Variants in ATP11B observed in about 807,000 individuals in gnomAD.
ATP11B encodes the protein ATPase phospholipid transporting 11B (putative).
ATP11B carries 81 observed loss-of-function variants against 157.8 expected under a neutral mutation model. The observed-to-expected ratio is 0.51, with a 90% CI of 0.43 to 0.62. The LOEUF is 0.62. Among genes scored for constraint, ATP11B ranks in the 20% least tolerant of loss-of-function variants. The pLI is 0.00. For synonymous variants in ATP11B, 451 were observed against 469.4 expected (o/e 0.96, Z 0.51); for missense variants, 1,165 against 1,402.2 (o/e 0.83, Z 2.70).
intron 27 of ATP11B, among the ~76,000 whole-genome samples, chr3:182,898,400 A>G (rs1723711018): frequency 6.6e-6 from 1 of 152,036 alleles, no homozygotes; most frequent in Non-Finnish European, 1.5e-5. Flanking sequence ...ACTGCTTGCC[A>G]TTTTCCTAAT....
At chr3:182,904,137 G>C (rs940153176) in intron 28 of ATP11B, among the ~76,000 whole-genome samples, 2 of 152,228 alleles carry the variant, frequency 1.3e-5, no homozygotes, top group Non-Finnish European at 1.5e-5. Context: ...TGTTGAGAGA[G>C]CGGCAGACCT....
intron 29 of ATP11B, chr3:182,915,282 C>T (rs1481048107): frequency 1.0e-6 from 1 of 985,188 alleles, no homozygotes; most frequent in Admixed American, 6.2e-5. Context: ...CCCGTTTATT[C>T]TGACTTGATT....
intron 28 of ATP11B, among the ~76,000 whole-genome samples, chr3:182,903,225 G>A (rs769375022): frequency 2.0e-5 from 3 of 152,124 alleles, no homozygotes; most frequent in Non-Finnish European, 2.9e-5. Flanking sequence ...ATTAAGTATG[G>A]TTTGAAGGGG....
intron 1 of ATP11B, among the ~76,000 whole-genome samples, chr3:182,802,168 T>C (rs762058776): frequency 5.9e-5 from 9 of 152,206 alleles, no homozygotes; most frequent in Admixed American, 3.9e-4. Flanking sequence ...AAAAATGATA[T>C]ATCCAGAACC....
At chr3:182,828,687 T>G (rs1002696857) in intron 3 of ATP11B, among the ~76,000 whole-genome samples, 1 of 151,622 alleles carries the variant, frequency 6.6e-6, no homozygotes, top group African/African-American at 2.4e-5. Flanking sequence ...GGTGAAGTTT[T>G]TTTTTTTTCC....
intron 8 of ATP11B, among the ~76,000 whole-genome samples, chr3:182,843,138 C>G (rs1317632956): frequency 6.6e-6 from 1 of 152,160 alleles, no homozygotes; most frequent in Non-Finnish European, 1.5e-5. Flanking sequence ...TTTATTCATT[C>G]ATTTACCCTC....
intron 28 of ATP11B, among the ~76,000 whole-genome samples, chr3:182,899,903 T>C (rs1352113372): frequency 6.6e-6 from 1 of 152,138 alleles, no homozygotes; most frequent in African/African-American, 2.4e-5. Flanking sequence ...ATAAATACTC[T>C]AAAAAATATA....
At chr3:182,807,541 C>T (rs973252982) in intron 1 of ATP11B, among the ~76,000 whole-genome samples, 5 of 152,000 alleles carry the variant, frequency 3.3e-5, no homozygotes, top group African/African-American at 1.2e-4. Flanking sequence ...GTTTTAAATT[C>T]CTTGGGAGCT....
chr3:182,835,489 T>A (rs528015625), intron 4 of ATP11B, among the ~76,000 whole-genome samples: 19 of 152,266 alleles, frequency 1.2e-4, no homozygotes, highest in African/African-American at 4.6e-4. Flanking sequence ...CAAGAACAGC[T>A]TGGTAGATGG....
At chr3:182,839,430 G>A (rs966829650) in intron 7 of ATP11B, among the ~76,000 whole-genome samples, 9 of 152,018 alleles carry the variant, frequency 5.9e-5, no homozygotes, top group Admixed American at 2.0e-4. Flanking sequence ...GAACCTAAAT[G>A]TTTAAATAAA....
At chr3:182,810,972 T>A (rs576304444) in intron 1 of ATP11B, among the ~76,000 whole-genome samples, 76 of 152,300 alleles carry the variant, frequency 5.0e-4, no homozygotes, top group African/African-American at 1.6e-3. Flanking sequence ...AGTAATTTTT[T>A]AAAAAATCCA....
At position 182,898,790 on chromosome 3, in the gene ATP11B, T is replaced by C. The variant is rs773914904; in HGVS notation, c.3318+18T>C. ...AGGCACAGGTAACCACTTTTTATAA[T>C]AAATTCAATATCTTTTTAGTTAGGG... On this transcript the variant is annotated intron_variant, in intron 28 of 29. Transcript: ENST00000323116. 1.4e-6 allele frequency: 2 copies of C among 1,451,178 alleles called. No individual in the cohort carries two copies. Among genetic ancestry groups the C allele is most frequent in the Non-Finnish European group, 1.8e-6 (2 of 1,093,664 alleles). 89.9% of individuals were successfully genotyped at this position (1,451,178 alleles called of 1,614,324 possible). A position where few individuals can be genotyped will look rare whatever the true frequency, so the allele number is the denominator to read the frequency against.
chr3:182,805,722 A>G (rs1197592180), intron 1 of ATP11B, among the ~76,000 whole-genome samples: 1 of 151,896 alleles, frequency 6.6e-6, no homozygotes, highest in Non-Finnish European at 1.5e-5. Flanking sequence ...TGGCTTCCCA[A>G]AGTGCTGGGA....
intron 19 of ATP11B, among the ~76,000 whole-genome samples, chr3:182,877,526 C>G (rs1408922747): frequency 6.6e-6 from 1 of 152,148 alleles, no homozygotes; most frequent in Non-Finnish European, 1.5e-5. Flanking sequence ...CCTGCAGTCC[C>G]AGCGTCTTGG....
chr3:182,809,730 C>A (rs1050610737), intron 1 of ATP11B, among the ~76,000 whole-genome samples: 2 of 152,146 alleles, frequency 1.3e-5, no homozygotes, highest in Admixed American at 6.5e-5. Flanking sequence ...AGGAAACAAT[C>A]CTGATTTGAT....
At chr3:182,822,903 G>A (rs1234074682) in intron 2 of ATP11B, among the ~76,000 whole-genome samples, 1 of 152,200 alleles carries the variant, frequency 6.6e-6, no homozygotes, top group Non-Finnish European at 1.5e-5. Context: ...TATTTTGGCT[G>A]CATAAATGTC....
intron 1 of ATP11B, among the ~76,000 whole-genome samples, chr3:182,797,624 C>T (rs535896981): frequency 1.9e-4 from 29 of 152,198 alleles, no homozygotes; most frequent in Admixed American, 1.6e-3. Context: ...AGCAGAATCA[C>T]TTGAACGTGG....
chr3:182,849,442 A>T (rs913144649), intron 10 of ATP11B, among the ~76,000 whole-genome samples: 2 of 152,258 alleles, frequency 1.3e-5, no homozygotes, highest in African/African-American at 4.8e-5. Context: ...AAAGCACTCA[A>T]TAGAAACTGT....
chr3:182,824,268 T>C (rs1050851165), intron 2 of ATP11B, among the ~76,000 whole-genome samples: 3 of 151,836 alleles, frequency 2.0e-5, no homozygotes, highest in African/African-American at 7.2e-5. Flanking sequence ...ACAATCAGTA[T>C]TTTCCCTTTA....
Sources: allele counts gnomAD v4.1 joint callset (sites outside exome capture counted in the v4.1 genomes callset), GRCh38; gene constraint gnomAD v4.1.1; transcripts MANE v1.5; gene names NCBI Gene and HGNC (gene_info 2026-07-23, HGNC 2026-07-21).